The following ODAD3 variants were observed in gnomAD, a reference collection of about 807,000 sequenced individuals.
The protein encoded by ODAD3 is outer dynein arm-docking complex subunit 3.
ODAD3 carries 57 observed loss-of-function variants against 70.9 expected under a neutral mutation model. The ratio of observed to expected loss-of-function variants is 0.80; its 90% CI spans 0.65 to 1.00. The LOEUF (loss-of-function observed/expected upper bound fraction) is 1.00, where lower values mean the gene tolerates loss of function less well. Among genes scored for constraint, ODAD3 ranks in the 50% least tolerant of loss-of-function variants. The pLI is 0.00. For synonymous variants in ODAD3, 327 were observed against 315.9 expected (o/e 1.04, Z -0.37); for missense variants, 797 against 763.9 (o/e 1.04, Z -0.51).
Position 11,422,613 on chromosome 19 carries a change from T to C in ODAD3, c.1292A>G (p.Gln431Arg), listed in dbSNP as rs1285489308. The change falls in exon 10 of 13, where the codon CAA (glutamine) becomes CGA (arginine). Residue 431 changes from glutamine to arginine, a missense_variant. Coordinates refer to ENST00000356392, the MANE Select transcript of ODAD3 (RefSeq NM_145045.5). This position sits in a 1 kb window ranked among gnomAD's most constrained non-coding sequence, Gnocchi z 4.6. ...CTTGAGACGCTCCTGCGCCTCGGCT[T>C]GCAGTTTCTGCTGGCTGCAGGGAGC... is the stretch of plus-strand genomic sequence containing the variant. ...EATLVSQQKL[Q>R]AEAQERLKKE... 6.3e-7 allele frequency: 1 copy of C among 1,599,554 alleles called. No individual in the cohort carries two copies. Among genetic ancestry groups the C allele is most frequent in the South Asian group, 1.1e-5 (1 of 89,850 alleles).
At position 11,434,502 on chromosome 19, in the gene ODAD3, C is replaced by A. The variant is rs1465049353; in HGVS notation, c.244+271G>T. On this transcript the variant is annotated intron_variant, in intron 1 of 12. Coordinates refer to ENST00000356392, the MANE Select transcript of ODAD3 (RefSeq NM_145045.5). ...GCAGTGAGCCGAAATCGTTCCACTG[C>A]ACTCCCACCTGGCAACAGAGTGAGA... 5 of 226,362 alleles carry A rather than the reference C, an allele frequency of 2.2e-5. No homozygotes were observed. In the East Asian group the frequency reaches 4.7e-4, roughly 21 times the overall value. 14.0% of individuals were successfully genotyped at this position (226,362 alleles called of 1,614,324 possible).
intron 7 of ODAD3, among the ~76,000 whole-genome samples, chr19:11,424,511 A>ATGTATATATATGTATATATGTATATG (rs1969218762): frequency 7.1e-6 from 1 of 140,258 alleles, no homozygotes; most frequent in Non-Finnish European, 1.5e-5. Flanking sequence ...ATATGTATAT[A>ATGTATATATATGTATATATGTATATG]TGTATATATA....
intron 1 of ODAD3, among the ~76,000 whole-genome samples, chr19:11,432,437 G>T (rs1301617005): frequency 6.6e-6 from 1 of 152,006 alleles, no homozygotes. Context: ...TAGAGTCAAG[G>T]ATCTCACTAT....
At chr19:11,424,983 A>G (rs1250550790) in intron 7 of ODAD3, among the ~76,000 whole-genome samples, 1 of 132,038 alleles carries the variant, frequency 7.6e-6, no homozygotes, top group Admixed American at 7.2e-5. Context: ...ATATATGTGT[A>G]TATGTACATA....
intron 3 of ODAD3, chr19:11,430,457 C>A: frequency 2.0e-6 from 1 of 495,182 alleles, no homozygotes; most frequent in Non-Finnish European, 3.6e-6. Context: ...TTTTTTTTAA[C>A]TTGTTTTCCC....
chr19:11,426,012 G>C (rs1969362448), intron 7 of ODAD3, 132 bp downstream of exon 7: 2 of 1,231,172 alleles, frequency 1.6e-6, no homozygotes, highest in Non-Finnish European at 2.2e-6. Context: ...AAGTGGGGGT[G>C]GAGTCAGAGA....
Position 11,425,303 on chromosome 19 carries a change from G to GCATGTGTACA in ODAD3, c.963+840_963+841insTGTACACATG, listed in dbSNP as rs1969301403. On this transcript the variant is annotated intron_variant, in intron 7 of 12. Transcript: ENST00000356392. Reference sequence around the variant, plus strand: ...TATATGTACATATGTGTATATATGTGTATGTGTACATATGTGTATATGTAC... The same window carrying GCATGTGTACA: ...TATATGTACATATGTGTATATATGTGCATGTGTACATATGTGTACATATGTGTATATGTAC... 1.3e-4 allele frequency among the ~76,000 whole-genome samples: 16 copies of GCATGTGTACA among 122,624 alleles called. 4 individuals carry two copies. Among genetic ancestry groups the GCATGTGTACA allele is most frequent in the African/African-American group, 6.3e-4 (16 of 25,380 alleles). 80.4% of individuals were successfully genotyped at this position (122,624 alleles called of 152,430 possible). A position where few individuals can be genotyped will look rare whatever the true frequency, so the allele number is the denominator to read the frequency against.
chr19:11,426,003 A>C, intron 7 of ODAD3, 141 bp downstream of exon 7: 4 of 1,070,186 alleles, frequency 3.7e-6, no homozygotes, highest in Non-Finnish European at 5.0e-6. Flanking sequence ...CTTCGCACCA[A>C]GTGGGGGTGG....
Position 11,422,949 on chromosome 19 carries a change from A to G in ODAD3, c.1117-88T>C, listed in dbSNP as rs975377808. On this transcript the variant is annotated intron_variant, in intron 8 of 12. Coordinates refer to ENST00000356392, the MANE Select transcript of ODAD3 (RefSeq NM_145045.5). The surrounding 1 kb of genome is among the most constrained non-coding windows in gnomAD (Gnocchi z 4.6). ...TCTCCCCCACCCTGCGAACCCTCGC[A>G]CGCAGGACAGGTGGCCTGAGCTGGC... is the stretch of plus-strand genomic sequence containing the variant. 1 of 1,463,926 alleles carries G rather than the reference A, an allele frequency of 6.8e-7. No homozygotes were observed. The highest frequency in any genetic ancestry group is 9.2e-7 in the Non-Finnish European group (1 of 1,089,884). The allele number at this position is 1,463,926 out of a possible 1,614,324, so 90.7% of individuals were successfully genotyped here. A position where few individuals can be genotyped will look rare whatever the true frequency, so the allele number is the denominator to read the frequency against.
chr19:11,424,615 A>G (rs1599455734), intron 7 of ODAD3, among the ~76,000 whole-genome samples: 1 of 130,406 alleles, frequency 7.7e-6, no homozygotes, highest in Non-Finnish European at 1.5e-5. Flanking sequence ...GTGTATATAT[A>G]CCTATGTGTA....
rs1156311227 is a variant in ODAD3 at position 11,420,909 on chromosome 19, G to C, written c.1714C>G (p.Arg572Gly). 2 of 1,613,914 alleles carry C rather than the reference G, an allele frequency of 1.2e-6. No homozygotes were observed. Among genetic ancestry groups the C allele is most frequent in the Non-Finnish European group, 1.7e-6 (2 of 1,179,964 alleles). The change falls in exon 13 of 13, where the codon CGC (arginine) becomes GGC (glycine). Residue 572 changes from arginine to glycine, a missense_variant. Arg to Gly is a moderately radical substitution (Grantham distance 125). Transcript: ENST00000356392. ...TGGGAACGGATCTTGAGTGATGCGCGGGTCACTACCTCGTTGTCCTCCTCC... is the reference window on the plus strand; with the variant it reads ...TGGGAACGGATCTTGAGTGATGCGCCGGTCACTACCTCGTTGTCCTCCTCC... ...SEEEDNEVVT[R>G]ASLKIRSQKL...
At chr19:11,435,685 C>G (rs910247112), upstream of ODAD3, 32 of 1,307,484 alleles carry the variant, frequency 2.4e-5, no homozygotes, top group East Asian at 1.5e-3. Context: ...GCGGTGGATA[C>G]TGACCTTTGC....
At chr19:11,431,300 G>A (rs530355771) in intron 1 of ODAD3, 25 of 367,240 alleles carry the variant, frequency 6.8e-5, no homozygotes, top group African/African-American at 4.2e-4. Flanking sequence ...TAGTAGACAT[G>A]GGGTTTCTCC....
At chr19:11,425,797 T>G (rs1599461038) in intron 7 of ODAD3, among the ~76,000 whole-genome samples, 15 of 139,464 alleles carry the variant, frequency 1.1e-4, no homozygotes, top group African/African-American at 2.4e-4. Context: ...GGGCCAAGAG[T>G]GAGGGGGCAG....
rs1238640454 is a variant in ODAD3, at chr19:11,424,031, T to A, written c.964-2A>T. On this transcript the variant is annotated splice_acceptor_variant, in intron 7 of 12. Coordinates refer to ENST00000356392, the MANE Select transcript of ODAD3 (RefSeq NM_145045.5). LOFTEE classifies it high-confidence loss of function. ...TAGCAGCAGGTGCTCGCGGTGGGTCTGCTCGTGGGTTGAGGTCAGAGCCAG... is the reference window on the plus strand; with the variant it reads ...TAGCAGCAGGTGCTCGCGGTGGGTCAGCTCGTGGGTTGAGGTCAGAGCCAG... 1 of 1,606,244 alleles carries A rather than the reference T, an allele frequency of 6.2e-7. No individual in the cohort carries two copies. The highest frequency in any genetic ancestry group is 8.5e-7 in the Non-Finnish European group (1 of 1,178,832).
At chr19:11,434,741 C>G (rs1281716979) in intron 1 of ODAD3, 32 bp downstream of exon 1, 1 of 1,582,754 alleles carries the variant, frequency 6.3e-7, no homozygotes, top group African/African-American at 1.3e-5. Flanking sequence ...CTGTTGACCC[C>G]TGACCCTCTG....
intron 3 of ODAD3, among the ~76,000 whole-genome samples, chr19:11,428,832 G>A (rs949424344): frequency 1.3e-5 from 2 of 151,896 alleles, no homozygotes; most frequent in Admixed American, 1.3e-4. Flanking sequence ...TACAAGGCAT[G>A]AGCCACCATG....
chr19:11,435,452 C>T, upstream of ODAD3: 3 of 359,058 alleles, frequency 8.4e-6, no homozygotes, highest in East Asian at 8.2e-5. Context: ...AGGTACGCTG[C>T]GCCGCCATTA....
At chr19:11,427,601 C>T (rs2144774621) in intron 3 of ODAD3, among the ~76,000 whole-genome samples, 1 of 151,988 alleles carries the variant, frequency 6.6e-6, no homozygotes, top group South Asian at 2.1e-4. Context: ...CCTGCCTCAG[C>T]CTCCCAAGTA....
Sources: allele counts gnomAD v4.1 joint callset (sites outside exome capture counted in the v4.1 genomes callset), GRCh38; gene constraint gnomAD v4.1.1; non-coding constraint Gnocchi (gnomAD v3.1); transcripts MANE v1.5; gene names NCBI Gene and HGNC (gene_info 2026-07-23, HGNC 2026-07-21).